Variants in RBMS1 observed in about 807,000 individuals in gnomAD.
RBMS1 encodes RNA-binding motif, single-stranded-interacting protein 1.
In RBMS1, 17 loss-of-function variants were observed where a neutral mutation model predicts 62.3. The observed-to-expected ratio is 0.27, with a 90% CI of 0.19 to 0.41. The LOEUF (loss-of-function observed/expected upper bound fraction) is 0.41. Ranked by LOEUF, RBMS1 falls within the 10% of genes least tolerant of loss-of-function variation. RBMS1 has a pLI of 1.00. For synonymous variants in RBMS1, 172 were observed against 170.0 expected (o/e 1.01, Z -0.09); for missense variants, 334 against 504.5 (o/e 0.66, Z 3.24).
intron 1 of RBMS1, among the ~76,000 whole-genome samples, chr2:160,466,230 C>T (rs1684684795): frequency 6.6e-6 from 1 of 151,918 alleles, no homozygotes; most frequent in Admixed American, 6.6e-5. Context: ...TTCTGCCAAT[C>T]ATGCCTATAA....
chr2:160,374,846 T>C (rs1368534313), intron 1 of RBMS1, among the ~76,000 whole-genome samples: 2 of 151,796 alleles, frequency 1.3e-5, no homozygotes, highest in African/African-American at 2.4e-5. Flanking sequence ...AGGAAAATCA[T>C]CTGAACCCAG....
At chr2:160,354,198 T>C (rs922538633) in intron 2 of RBMS1, among the ~76,000 whole-genome samples, 6 of 152,122 alleles carry the variant, frequency 3.9e-5, no homozygotes, top group African/African-American at 1.4e-4. Context: ...TAATTCAGAC[T>C]AGAGATGAAA....
At chr2:160,405,122 C>G (rs879771242) in intron 1 of RBMS1, among the ~76,000 whole-genome samples, 11 of 152,296 alleles carry the variant, frequency 7.2e-5, no homozygotes, top group South Asian at 2.1e-4. Context: ...CAAAAACATT[C>G]AGAACAGCAA....
At chr2:160,331,411 C>T (rs1691263733) in intron 2 of RBMS1, among the ~76,000 whole-genome samples, 1 of 152,192 alleles carries the variant, frequency 6.6e-6, no homozygotes, top group African/African-American at 2.4e-5. Context: ...TCTCTGCACT[C>T]TGCCCATGGC....
intron 2 of RBMS1, among the ~76,000 whole-genome samples, chr2:160,342,655 C>T (rs1181829309): frequency 2.0e-5 from 3 of 151,868 alleles, no homozygotes; most frequent in Non-Finnish European, 2.9e-5. Context: ...GTGGCTCACG[C>T]CTGTAATCCC....
At chr2:160,353,147 T>G (rs897043840) in intron 2 of RBMS1, among the ~76,000 whole-genome samples, 2 of 152,118 alleles carry the variant, frequency 1.3e-5, no homozygotes, top group Non-Finnish European at 2.9e-5. Context: ...ATCAAAACTG[T>G]CTCACTGTTC....
intron 9 of RBMS1, chr2:160,282,293 T>C (rs780350717): frequency 3.7e-6 from 5 of 1,367,818 alleles, no homozygotes; most frequent in Non-Finnish European, 4.9e-6. Flanking sequence ...TTTCTCTGGT[T>C]TCCTTTGCCA....
At chr2:160,277,550 G>A in intron 11 of RBMS1, 167 bp from the exon 12 acceptor site, 1 of 428,354 alleles carries the variant, frequency 2.3e-6, no homozygotes, top group South Asian at 7.2e-5. Context: ...TCATATGGAA[G>A]GTAAACTGTT....
chr2:160,373,022 T>C (rs925136292), intron 1 of RBMS1, among the ~76,000 whole-genome samples: 2 of 152,136 alleles, frequency 1.3e-5, no homozygotes, highest in East Asian at 3.8e-4. Context: ...TAAAATCACA[T>C]AGCTAATTAG....
intron 1 of RBMS1, among the ~76,000 whole-genome samples, chr2:160,435,180 C>T (rs1468833251): frequency 2.6e-5 from 4 of 152,118 alleles, no homozygotes; most frequent in Admixed American, 2.6e-4. Flanking sequence ...AACTAAATAA[C>T]CTACTGGATA....
At chr2:160,330,872 T>C (rs186754491) in intron 2 of RBMS1, among the ~76,000 whole-genome samples, 42 of 152,244 alleles carry the variant, frequency 2.8e-4, no homozygotes, top group Non-Finnish European at 5.0e-4. Flanking sequence ...TTTGAAGATG[T>C]AGTCAAGTTA....
intron 1 of RBMS1, among the ~76,000 whole-genome samples, chr2:160,470,303 T>C (rs2105343376): frequency 6.6e-6 from 1 of 152,328 alleles, no homozygotes; most frequent in Middle Eastern, 3.4e-3. Flanking sequence ...TTAAATTTAT[T>C]CTATTTATCA....
In RBMS1 at chr2:160,275,505, C is replaced by T. The variant is rs990533140; in HGVS notation, c.*7+125G>A. 49 of 1,422,010 alleles carry T rather than the reference C, an allele frequency of 3.4e-5. 1 individual carries two copies. Among genetic ancestry groups the T allele is most frequent in the South Asian group, 5.3e-5 (3 of 56,294 alleles). The allele number at this position is 1,422,010 out of a possible 1,614,324, so 88.1% of individuals were successfully genotyped here. A position where few individuals can be genotyped will look rare whatever the true frequency, so the allele number is the denominator to read the frequency against. On this transcript the variant is annotated intron_variant, in intron 13 of 13. Transcript: ENST00000348849. ...TTAATATTTCAACAAGACTAGATGC[C>T]TTGGCCACGATTAAAGCAGTATGAT... is the stretch of plus-strand genomic sequence containing the variant.
chr2:160,276,368 C>CCACCAA (rs1687834655), intron 12 of RBMS1, among the ~76,000 whole-genome samples: 1 of 150,856 alleles, frequency 6.6e-6, no homozygotes, highest in African/African-American at 2.4e-5. Context: ...ACCACCACCA[C>CCACCAA]CAACACCTAC....
At chr2:160,405,512 T>A (rs1484587537) in intron 1 of RBMS1, among the ~76,000 whole-genome samples, 1 of 152,212 alleles carries the variant, frequency 6.6e-6, no homozygotes, top group Admixed American at 6.5e-5. Context: ...GCGCTGGAAG[T>A]GTGCTTTCCC....
intron 1 of RBMS1, among the ~76,000 whole-genome samples, chr2:160,435,026 A>T (rs1274167796): frequency 3.9e-5 from 6 of 152,206 alleles, no homozygotes; most frequent in Non-Finnish European, 7.3e-5. Context: ...TTAGACATTT[A>T]AAGAGGACTG....
intron 1 of RBMS1, among the ~76,000 whole-genome samples, chr2:160,431,045 T>C (rs1173205512): frequency 6.6e-6 from 1 of 150,492 alleles, no homozygotes; most frequent in African/African-American, 2.4e-5. Context: ...TTTTTCCCAC[T>C]GATAGCTAAG....
At chr2:160,363,523 T>C (rs1199746838) in intron 2 of RBMS1, among the ~76,000 whole-genome samples, 2 of 151,508 alleles carry the variant, frequency 1.3e-5, no homozygotes, top group African/African-American at 4.9e-5. Flanking sequence ...TGTCACACTG[T>C]AGGGAGGGAG....
At chr2:160,444,598 C>A (rs1212416367) in intron 1 of RBMS1, among the ~76,000 whole-genome samples, 1 of 152,154 alleles carries the variant, frequency 6.6e-6, no homozygotes, top group Non-Finnish European at 1.5e-5. Context: ...CAGTCTGACT[C>A]CAGAACCCAC....
Sources: allele counts gnomAD v4.1 joint callset (sites outside exome capture counted in the v4.1 genomes callset), GRCh38; gene constraint gnomAD v4.1.1; transcripts MANE v1.5; gene names NCBI Gene and HGNC (gene_info 2026-07-23, HGNC 2026-07-21).